AGTR1: variants seen among roughly 807,000 people sequenced by gnomAD.
AGTR1 encodes type-1 angiotensin II receptor.
In AGTR1, 16 loss-of-function variants were observed where a neutral mutation model predicts 19.4. The observed-to-expected ratio is 0.82, with a 90% CI of 0.56 to 1.25. The LOEUF (loss-of-function observed/expected upper bound fraction) is 1.25, where lower values mean the gene tolerates loss of function less well. Among genes scored for constraint, AGTR1 ranks in the 50% most tolerant of loss-of-function variants. The pLI is 0.00. For synonymous variants in AGTR1, 153 were observed against 154.9 expected, an observed-to-expected ratio of 0.99 and a Z score of 0.09; for missense variants, 373 against 431.9, an observed-to-expected ratio of 0.86 and a Z score of 1.21.
chr3:148,735,545 T>C (rs1014895669), intron 2 of AGTR1, among the ~76,000 whole-genome samples: 1 of 152,080 alleles, frequency 6.6e-6, no homozygotes, highest in African/African-American at 2.4e-5. Flanking sequence ...AGTAAAGCAA[T>C]TGGGTAGGGG....
chr3:148,720,547 C>T, intron 2 of AGTR1, among the ~76,000 whole-genome samples: 1 of 151,976 alleles, frequency 6.6e-6, no homozygotes, highest in East Asian at 1.9e-4. Flanking sequence ...TCATCATTGC[C>T]CTGCATGAAT....
At chr3:148,728,990 T>C (rs1034449615) in intron 2 of AGTR1, among the ~76,000 whole-genome samples, 3 of 119,534 alleles carry the variant, frequency 2.5e-5, no homozygotes, top group Non-Finnish European at 3.4e-5. Context: ...TGCTTTTGGA[T>C]TGGAGACTTG....
Position 148,711,376 on chromosome 3 carries a change from A to G in AGTR1, c.-48+3349A>G, listed in dbSNP as rs115951333. ...AAGGGTTTGAAATAGCTATATAACTAGCTGTGAAAAAGGGATATAAATATC... is the reference window on the plus strand; with the variant it reads ...AAGGGTTTGAAATAGCTATATAACTGGCTGTGAAAAAGGGATATAAATATC... On this transcript the variant is annotated intron_variant, in intron 2 of 2. Transcript: ENST00000349243. Among the ~76,000 whole-genome samples, 1,151 of 152,338 alleles carry G rather than the reference A, an allele frequency of 7.6e-3. 15 individuals carry two copies. The highest frequency in any genetic ancestry group is 0.026 in the African/African-American group (1,091 of 41,580).
intron 2 of AGTR1, among the ~76,000 whole-genome samples, chr3:148,729,001 T>C (rs769145450): frequency 1.1e-4 from 4 of 35,158 alleles, no homozygotes; most frequent in Admixed American, 3.2e-4. Context: ...TGGAGACTTG[T>C]AACTTTGAGA....
chr3:148,717,633 G>A (rs906169977), intron 2 of AGTR1, among the ~76,000 whole-genome samples: 52 of 152,176 alleles, frequency 3.4e-4, no homozygotes, highest in African/African-American at 1.2e-3. Context: ...AGAGTCAGGA[G>A]CTCTGAGAGG....
In AGTR1 at chr3:148,741,222, G is replaced by A. The variant is rs1559933838; in HGVS notation, c.187G>A (p.Ala63Thr). 1 of 1,613,980 alleles carries A rather than the reference G, an allele frequency of 6.2e-7. No homozygotes were observed. The highest frequency in any genetic ancestry group is 1.1e-5 in the South Asian group (1 of 91,086). The change falls in exon 3 of 3, where the codon GCC (alanine) becomes ACC (threonine). Residue 63 changes from alanine (A) to threonine (T), a missense_variant. By Grantham distance (58) the Ala-to-Thr change is moderately conservative (BLOSUM62 0). Coordinates refer to ENST00000349243, the MANE Select transcript of AGTR1 (RefSeq NM_000685.5). ...IYFYMKLKTV[A>T]SVFLLNLALA... ...CTTTTATATGAAGCTGAAGACTGTGGCCAGTGTTTTTCTTTTGAATTTAGC... is the reference window on the plus strand; with the variant it reads ...CTTTTATATGAAGCTGAAGACTGTGACCAGTGTTTTTCTTTTGAATTTAGC...
At chr3:148,740,680 A>G (rs1002283712) in intron 2 of AGTR1, among the ~76,000 whole-genome samples, 1 of 152,230 alleles carries the variant, frequency 6.6e-6, no homozygotes, top group African/African-American at 2.4e-5. Context: ...TATGTTTTTA[A>G]TCAATTTGGA....
chr3:148,709,082 A>G (rs1051869362), intron 2 of AGTR1, among the ~76,000 whole-genome samples: 4 of 152,156 alleles, frequency 2.6e-5, no homozygotes, highest in African/African-American at 9.7e-5. Flanking sequence ...AGTTCTGTCA[A>G]TGGATATCTT....
At chr3:148,720,766 C>A (rs964166219) in intron 2 of AGTR1, among the ~76,000 whole-genome samples, 4 of 152,136 alleles carry the variant, frequency 2.6e-5, no homozygotes, top group African/African-American at 9.7e-5. Context: ...AGAAAGATAT[C>A]TTTGCATTAA....
intron 2 of AGTR1, among the ~76,000 whole-genome samples, chr3:148,735,645 C>T (rs962730657): frequency 6.6e-6 from 1 of 152,066 alleles, no homozygotes; most frequent in Non-Finnish European, 1.5e-5. Context: ...GAAATAAGAA[C>T]AAGTAGATCT....
intron 1 of AGTR1, among the ~76,000 whole-genome samples, chr3:148,702,698 C>G (rs916023971): frequency 6.6e-6 from 1 of 152,178 alleles, no homozygotes; most frequent in Non-Finnish European, 1.5e-5. Context: ...TTCCCCTCCT[C>G]GTGAGATTAT....
At chr3:148,714,351 GTCT>G (rs2107938698) in intron 2 of AGTR1, among the ~76,000 whole-genome samples, 1 of 152,186 alleles carries the variant, frequency 6.6e-6, no homozygotes, top group South Asian at 2.1e-4. Context: ...TTTAGGGAAG[GTCT>G]TCTTAGGAAG....
chr3:148,737,260 C>T (rs12695915), intron 2 of AGTR1, among the ~76,000 whole-genome samples: 11,374 of 152,072 alleles, frequency 0.075, 447 homozygotes, highest in Middle Eastern at 0.12. Context: ...TTTATGAGAG[C>T]TGTTTCCCAT....
chr3:148,703,929 TTAAC>T (rs1317606627), intron 1 of AGTR1, among the ~76,000 whole-genome samples: 1 of 147,844 alleles, frequency 6.8e-6, no homozygotes, highest in East Asian at 1.9e-4. Context: ...AATTCCTTCT[TTAAC>T]TGTTTGAAAA....
chr3:148,740,843 A>G, intron 2 of AGTR1, 146 bp from the exon 3 acceptor site: 1 of 695,398 alleles, frequency 1.4e-6, no homozygotes, highest in Non-Finnish European at 2.4e-6. Context: ...ATCAGTTCAC[A>G]GTGTTTCCTT....
chr3:148,723,847 A>G (rs550927725), intron 2 of AGTR1, among the ~76,000 whole-genome samples: 1 of 152,262 alleles, frequency 6.6e-6, no homozygotes, highest in East Asian at 1.9e-4. Flanking sequence ...TGGAAGGGGG[A>G]ATGTCTAACA....
intron 1 of AGTR1, among the ~76,000 whole-genome samples, chr3:148,707,570 T>A (rs1037310864): frequency 1.3e-5 from 2 of 151,722 alleles, no homozygotes; most frequent in African/African-American, 4.9e-5. Flanking sequence ...AGCTGTAGAT[T>A]CACAAGTAAA....
In AGTR1 at chr3:148,741,320, C is replaced by G. The variant is rs777199756; in HGVS notation, c.285C>G (p.Pro95=). ...AVYTAMEYRW[P]FGNYLCKIAS... ...ACACAGCTATGGAATACCGCTGGCC[C>G]TTTGGCAATTACCTATGTAAGATTG... Residue 95 remains proline (P), a synonymous_variant, in exon 3 of 3, where the codon CCC becomes CCG. Transcript: ENST00000349243. 1 of 1,610,302 alleles carries G rather than the reference C, an allele frequency of 6.2e-7. No homozygotes were observed. The highest frequency in any genetic ancestry group is 8.5e-7 in the Non-Finnish European group (1 of 1,179,966).
chr3:148,710,886 CTG>C (rs1488610969), intron 2 of AGTR1, among the ~76,000 whole-genome samples: 2 of 152,042 alleles, frequency 1.3e-5, no homozygotes, highest in African/African-American at 4.8e-5. Context: ...TGCTCTGAAA[CTG>C]TGACACCTCC....
Sources: gnomAD v4.1 joint callset for allele counts (sites outside exome capture counted in the v4.1 genomes callset) on GRCh38, gnomAD v4.1.1 for gene constraint, MANE v1.5 for transcripts, NCBI Gene and HGNC (gene_info 2026-07-23, HGNC 2026-07-21) for gene names.